Variants in ZFP64 observed in about 807,000 individuals in gnomAD.
ZFP64 encodes the protein ZFP64 zinc finger protein.
In ZFP64, 14 loss-of-function variants were observed where a neutral mutation model predicts 51.6. The ratio of observed to expected loss-of-function variants is 0.27; its 90% CI spans 0.18 to 0.42. The LOEUF (loss-of-function observed/expected upper bound fraction) is 0.42, where lower values mean the gene tolerates loss of function less well. Ranked by LOEUF, ZFP64 falls within the 10% of genes least tolerant of loss-of-function variation. The probability of loss-of-function intolerance (pLI) is 1.00; values close to 1 mark genes in which losing one functional copy is unlikely to be tolerated. For missense variants in ZFP64, 754 were observed against 906.8 expected (o/e 0.83, Z 2.16); for synonymous variants, 375 against 361.4 (o/e 1.04, Z -0.43).
Position 52,160,855 on chromosome 20 carries a change from G to A in ZFP64, c.512-481C>T, listed in dbSNP as rs1234338138. Among the ~76,000 whole-genome samples, 8 of 152,150 alleles carry A rather than the reference G, an allele frequency of 5.3e-5. No homozygotes were observed. The highest frequency in any genetic ancestry group is 1.9e-4 in the East Asian group (1 of 5,194). On this transcript the variant is annotated intron_variant, in intron 4 of 5. Transcript: ENST00000216923. This position sits in a 1 kb window ranked among gnomAD's most constrained non-coding sequence, Gnocchi z 4.2. ...TCTGTGACTAAGTTCCTATCAAAGC[G>A]ATGGCAGAGAAAGTAAAGTGTGTCT... is the stretch of plus-strand genomic sequence containing the variant.
exon 6 of ZFP64, chr20:52,098,513 C>T (rs1011923204): frequency 1.7e-5 from 28 of 1,614,006 alleles, no homozygotes; most frequent in Admixed American, 8.3e-5. Flanking sequence ...AGAGTGATGA[C>T]AGGGGCCTTC....
chr20:52,172,356 C>G (rs981858702), intron 2 of ZFP64, among the ~76,000 whole-genome samples: 4 of 152,058 alleles, frequency 2.6e-5, no homozygotes, highest in Non-Finnish European at 4.4e-5. Flanking sequence ...TTGCAGTGAT[C>G]TCAGAGCTTA....
chr20:52,159,428 T>C (rs772126469), intron 5 of ZFP64, among the ~76,000 whole-genome samples: 2 of 152,208 alleles, frequency 1.3e-5, no homozygotes, highest in Non-Finnish European at 2.9e-5. Flanking sequence ...ATGCATCTCC[T>C]CAATTACACA....
At position 52,156,849 on chromosome 20, in the gene ZFP64, T is replaced by C. The variant is rs376706057; in HGVS notation, c.763+3274A>G. On this transcript the variant is annotated intron_variant, in intron 5 of 5. Coordinates refer to ENST00000216923, the MANE Select transcript of ZFP64 (RefSeq NM_018197.3). Reference sequence around the variant, plus strand: ...AGACAGAAAATGTACATCATGAGTTTTGGACTTGAATAAAGAGATAAATTC... The same window carrying C: ...AGACAGAAAATGTACATCATGAGTTCTGGACTTGAATAAAGAGATAAATTC... Among the ~76,000 whole-genome samples the C allele has an allele frequency of 1.6e-4, 24 of 152,296 alleles. No individual in the cohort carries two copies. In the East Asian group the frequency reaches 4.6e-3, roughly 29 times the overall value.
At chr20:52,173,552 C>T (rs899584079) in intron 2 of ZFP64, among the ~76,000 whole-genome samples, 6 of 152,172 alleles carry the variant, frequency 3.9e-5, no homozygotes, top group African/African-American at 1.2e-4. Flanking sequence ...TGCACCACTG[C>T]ACTTCAGCCT....
chr20:52,175,739 G>C (rs1327206310), intron 2 of ZFP64, among the ~76,000 whole-genome samples: 1 of 152,156 alleles, frequency 6.6e-6, no homozygotes, highest in Non-Finnish European at 1.5e-5. Context: ...AGGCACGTGG[G>C]AGGCTGAGGC....
At chr20:52,098,619 T>C in intron 5 of ZFP64, 2 of 1,613,702 alleles carry the variant, frequency 1.2e-6, no homozygotes, top group South Asian at 1.1e-5. Context: ...GCTTAGTTTC[T>C]CATTTATAAC....
intron 5 of ZFP64, among the ~76,000 whole-genome samples, chr20:52,144,600 A>AAAAAAAAAAAAAAAAAAAC (rs1980430417): frequency 1.3e-5 from 2 of 148,846 alleles, no homozygotes; most frequent in Non-Finnish European, 3.0e-5. Flanking sequence ...AAAAAAAAAA[A>AAAAAAAAAAAAAAAAAAAC]AATGCTGAAA....
In ZFP64 at chr20:52,126,958, A is replaced by ATT. The variant is rs879661790; in HGVS notation, c.764-28373_764-28372dup. Among the ~76,000 whole-genome samples, 3 of 139,850 alleles carry ATT rather than the reference A, an allele frequency of 2.1e-5. No individual in the cohort carries two copies. In the East Asian group the frequency reaches 6.3e-4, roughly 29 times the overall value. 91.7% of individuals were successfully genotyped at this position (139,850 alleles called of 152,430 possible). On this transcript the variant is annotated intron_variant, in intron 5 of 8. Coordinates refer to the ZFP64 transcript ENST00000361387. The stretch of plus-strand genomic sequence containing the variant: ...AGTGATATGGTTAGGCTTTGTCAGA[A>ATT]TTTTTTTTTTTTTTAAGACAGTCTT...
chr20:52,110,654 C>G, intron 5 of ZFP64: 1 of 1,321,248 alleles, frequency 7.6e-7, no homozygotes, highest in Non-Finnish European at 1.0e-6. Context: ...ATGCAGCTGG[C>G]CACCAGGCCA....
exon 6 of ZFP64, chr20:52,098,566 A>T (rs2079017218): frequency 3.7e-6 from 6 of 1,614,012 alleles, no homozygotes; most frequent in African/African-American, 1.3e-5. Context: ...TGCTTTTGGA[A>T]CATCATCATC....
chr20:52,158,895 G>A (rs1295554856), intron 5 of ZFP64, among the ~76,000 whole-genome samples: 1 of 152,156 alleles, frequency 6.6e-6, no homozygotes, highest in African/African-American at 2.4e-5. Flanking sequence ...GAGTTGAAAT[G>A]GGCTTACACT....
chr20:52,117,936 C>T (rs1427175111), intron 5 of ZFP64, among the ~76,000 whole-genome samples: 1 of 151,932 alleles, frequency 6.6e-6, no homozygotes, highest in Non-Finnish European at 1.5e-5. Flanking sequence ...GCTGGAACTA[C>T]AAGTGCACAC....
intron 5 of ZFP64, among the ~76,000 whole-genome samples, chr20:52,141,605 G>C (rs1980257850): frequency 6.6e-6 from 1 of 152,166 alleles, no homozygotes; most frequent in South Asian, 2.1e-4. Context: ...TGGCTGAATT[G>C]CTGCAATCTT....
At chr20:52,111,636 C>T (rs888291399) in intron 5 of ZFP64, among the ~76,000 whole-genome samples, 1 of 152,100 alleles carries the variant, frequency 6.6e-6, no homozygotes, top group Admixed American at 6.6e-5. Flanking sequence ...TCTCGCAACT[C>T]TTAAGTATTT....
chr20:52,167,257 G>A (rs1025873171), intron 2 of ZFP64, among the ~76,000 whole-genome samples: 2 of 151,988 alleles, frequency 1.3e-5, no homozygotes, highest in Non-Finnish European at 2.9e-5. Flanking sequence ...CCTGGGAGGC[G>A]GGGGTTGCAG....
chr20:52,110,696 T>C (rs1978514305), intron 5 of ZFP64: 1 of 1,559,398 alleles, frequency 6.4e-7, no homozygotes, highest in East Asian at 2.2e-5. Context: ...CCTTGCCCCT[T>C]CAGCCAGCGC....
intron 5 of ZFP64, among the ~76,000 whole-genome samples, chr20:52,118,318 AAAAC>A (rs1166456241): frequency 6.6e-6 from 1 of 151,412 alleles, no homozygotes; most frequent in Non-Finnish European, 1.5e-5. Context: ...ATTTATAGAG[AAAAC>A]AAACAGCCTC....
chr20:52,180,906 C>T (rs1983567184), intron 2 of ZFP64, among the ~76,000 whole-genome samples: 1 of 152,126 alleles, frequency 6.6e-6, no homozygotes. Context: ...CATTACCAAA[C>T]CCTGTCCCCT....
Sources: allele counts gnomAD v4.1 joint callset (sites outside exome capture counted in the v4.1 genomes callset), GRCh38; gene constraint gnomAD v4.1.1; non-coding constraint Gnocchi (gnomAD v3.1); transcripts MANE v1.5; gene names NCBI Gene and HGNC (gene_info 2026-07-23, HGNC 2026-07-21).